CFH: variants seen among roughly 807,000 people sequenced by gnomAD.
The protein encoded by CFH is H factor 1 (complement).
A neutral mutation model predicts 147.3 loss-of-function variants in CFH; 53 were observed. The observed-to-expected ratio is 0.36, with a 90% CI of 0.29 to 0.45. The LOEUF is 0.45. Ranked by LOEUF, CFH falls within the 20% of genes least tolerant of loss-of-function variation. CFH has a pLI of 1.00. For synonymous variants in CFH, 536 were observed against 489.4 expected (o/e 1.10, Z -1.26); for missense variants, 1,380 against 1,498.0 (o/e 0.92, Z 1.30).
chr1:196,677,748 A>G lies in CFH; in HGVS notation c.619+81A>G, dbSNP rs1175479022. 22 of 1,310,006 alleles carry G rather than the reference A, an allele frequency of 1.7e-5. No homozygotes were observed. In the Admixed American group the frequency reaches 3.7e-4, roughly 22 times the overall value. 81.1% of individuals were successfully genotyped at this position (1,310,006 alleles called of 1,614,324 possible). A position where few individuals can be genotyped will look rare whatever the true frequency, so the allele number is the denominator to read the frequency against. On this transcript the variant is annotated intron_variant, in intron 5 of 21. Transcript: ENST00000367429. Reference sequence around the variant, plus strand: ...TAAAACATCGTTCATTCTAAGGAATATCAGCAATATTAACAATAGCTAATG... The same window carrying G: ...TAAAACATCGTTCATTCTAAGGAATGTCAGCAATATTAACAATAGCTAATG...
At chr1:196,658,979 G>A (rs1279714487) in intron 1 of CFH, among the ~76,000 whole-genome samples, 5 of 152,190 alleles carry the variant, frequency 3.3e-5, no homozygotes, top group Non-Finnish European at 7.3e-5. Context: ...AACGTAAGAT[G>A]AAGTATTCAT....
chr1:196,668,160 T>A lies in CFH; in HGVS notation c.59-4818T>A, dbSNP rs528564945. Among the ~76,000 whole-genome samples the A allele has an allele frequency of 7.9e-5, 12 of 152,264 alleles. No individual in the cohort carries two copies. In the South Asian group the frequency reaches 2.5e-3, roughly 32 times the overall value. On this transcript the variant is annotated intron_variant, in intron 1 of 21. Coordinates refer to ENST00000367429, the MANE Select transcript of CFH (RefSeq NM_000186.4). ...TCTATTTATTTTCTTCAGTTCTGCT[T>A]ATTCCTTTTTGTACTTCTTTGCTTA...
intron 1 of CFH, among the ~76,000 whole-genome samples, chr1:196,658,444 C>T (rs1368084773): frequency 1.2e-5 from 1 of 83,962 alleles, no homozygotes; most frequent in African/African-American, 5.0e-5. Context: ...TGGAGTCTTG[C>T]TCTGTCGCCC....
intron 11 of CFH, among the ~76,000 whole-genome samples, chr1:196,722,495 C>A (rs12402808): frequency 0.16 from 24,478 of 151,928 alleles, 2,507 homozygotes; most frequent in East Asian, 0.49. Context: ...TGATTAGATG[C>A]TTTTCTCTTG....
At chr1:196,739,614 G>C (rs947541956) in intron 17 of CFH, among the ~76,000 whole-genome samples, 2 of 152,104 alleles carry the variant, frequency 1.3e-5, no homozygotes, top group Non-Finnish European at 2.9e-5. Context: ...TTTGGTCAAA[G>C]CCATTCAACA....
rs1222444748 is a variant in CFH, at chr1:196,721,163, T to C, written c.1697-3958T>C. Among the ~76,000 whole-genome samples the C allele has an allele frequency of 2.0e-5, 3 of 151,978 alleles. No homozygotes were observed. The East Asian group carries it at 5.8e-4, about 29-fold the overall frequency. ...TTCATGGGATTATTATTTTTTTTTC[T>C]TGTTGTGTTGTTTCAGTTCTTTGCA... On this transcript the variant is annotated intron_variant, in intron 11 of 21. Coordinates refer to ENST00000367429, the MANE Select transcript of CFH (RefSeq NM_000186.4).
intron 1 of CFH, among the ~76,000 whole-genome samples, chr1:196,658,139 T>C (rs1257532955): frequency 6.6e-6 from 1 of 152,144 alleles, no homozygotes; most frequent in African/African-American, 2.4e-5. Context: ...ACCAAAATTA[T>C]ATAACTATTT....
intron 15 of CFH, among the ~76,000 whole-genome samples, chr1:196,728,993 T>C (rs922614744): frequency 9.2e-5 from 14 of 152,112 alleles, no homozygotes; most frequent in African/African-American, 3.4e-4. Flanking sequence ...TAATCATCTA[T>C]TTATCTATTA....
At chr1:196,706,304 G>A (rs542480342) in intron 9 of CFH, among the ~76,000 whole-genome samples, 1 of 152,224 alleles carries the variant, frequency 6.6e-6, no homozygotes, top group East Asian at 1.9e-4. Flanking sequence ...AATTAAGCAT[G>A]CTAAAGAAAT....
chr1:196,677,851 C>T (rs756943422), intron 5 of CFH, 184 bp downstream of exon 5: 1 of 602,716 alleles, frequency 1.7e-6, no homozygotes, highest in Non-Finnish European at 2.9e-6. Context: ...TTTCAAAAAA[C>T]TCCATGATTT....
chr1:196,725,990 A>G (rs1301587362), intron 12 of CFH, among the ~76,000 whole-genome samples: 1 of 152,212 alleles, frequency 6.6e-6, no homozygotes, highest in African/African-American at 2.4e-5. Context: ...TTTGCTTGAA[A>G]TGTCAACATC....
At chr1:196,660,016 T>A (rs1666848318) in intron 1 of CFH, among the ~76,000 whole-genome samples, 1 of 151,926 alleles carries the variant, frequency 6.6e-6, no homozygotes, top group Admixed American at 6.6e-5. Flanking sequence ...TTGTGAAAAA[T>A]TTTGTGAAGG....
chr1:196,683,473 A>T (rs958261329), intron 6 of CFH, among the ~76,000 whole-genome samples: 5 of 151,772 alleles, frequency 3.3e-5, no homozygotes, highest in African/African-American at 1.2e-4. Flanking sequence ...GACAGCAATT[A>T]TAAAATGGTA....
chr1:196,746,401 A>C (rs2149118300), intron 21 of CFH, among the ~76,000 whole-genome samples: 1 of 152,322 alleles, frequency 6.6e-6, no homozygotes, highest in Middle Eastern at 3.4e-3. Context: ...CAGTGAGCCG[A>C]GTTCGCGCCA....
At chr1:196,666,955 T>C (rs1378558796) in intron 1 of CFH, among the ~76,000 whole-genome samples, 1 of 152,172 alleles carries the variant, frequency 6.6e-6, no homozygotes, top group Non-Finnish European at 1.5e-5. Flanking sequence ...GGAATGAATA[T>C]GCATCTTGCA....
rs121913058 is a variant in CFH, at chr1:196,676,018, G to C, written c.380G>C (p.Arg127Pro). Residue 127 changes from arginine to proline, a missense_variant, in exon 4 of 22, where the codon CGT becomes CCT. Physicochemically the swap from Arg to Pro is moderately radical, Grantham distance 103 (BLOSUM62 -2). Around this residue, in one of 4 missense-constraint regions of CFH, gnomAD observed 260 missense variants for 263.3 expected, o/e 0.99. Coordinates refer to ENST00000367429, the MANE Select transcript of CFH (RefSeq NM_000186.4). ...CAATTGCTAGGTGAGATTAATTACC[G>C]TGAATGTGACACAGATGGATGGACC... ...GYQLLGEINY[R>P]ECDTDGWTND... 6.2e-7 allele frequency: 1 copy of C among 1,610,408 alleles called. No individual in the cohort carries two copies.
intron 5 of CFH, 190 bp from the exon 6 acceptor site, chr1:196,679,433 C>G: frequency 4.3e-6 from 2 of 462,226 alleles, no homozygotes; most frequent in African/African-American, 2.0e-5. Flanking sequence ...AAATCAGAAG[C>G]ATAATTTTAA....
At chr1:196,673,558 G>A (rs1012582557) in intron 2 of CFH, among the ~76,000 whole-genome samples, 3 of 152,004 alleles carry the variant, frequency 2.0e-5, no homozygotes, top group Non-Finnish European at 2.9e-5. Flanking sequence ...GGCTGGTCTC[G>A]AACTCCTGGC....
chr1:196,737,155 A>G (rs1669426218), intron 16 of CFH, 149 bp downstream of exon 16: 3 of 727,368 alleles, frequency 4.1e-6, no homozygotes, highest in East Asian at 2.8e-5. Flanking sequence ...TTAATCAATC[A>G]CCACTCTTTC....
Sources: gnomAD v4.1 joint callset for allele counts (sites outside exome capture counted in the v4.1 genomes callset) on GRCh38, gnomAD v4.1.1 for gene constraint, gnomAD v4.1.1 regional missense constraint, MANE v1.5 for transcripts, NCBI Gene and HGNC (gene_info 2026-07-23, HGNC 2026-07-21) for gene names.